Variants in SAFB observed in about 807,000 individuals in gnomAD.
SAFB encodes the protein scaffold attachment factor B.
SAFB carries 15 observed loss-of-function variants against 101.6 expected under a neutral mutation model. The observed-to-expected ratio is 0.15, with a 90% CI of 0.10 to 0.23. SAFB has a LOEUF of 0.23. SAFB is among the 10% of genes least tolerant of loss of function. SAFB has a pLI of 1.00. For synonymous variants in SAFB, 449 were observed against 407.5 expected, an observed-to-expected ratio of 1.10 and a Z score of -1.23; for missense variants, 930 against 1,104.1, an observed-to-expected ratio of 0.84 and a Z score of 2.23.
intron 15 of SAFB, among the ~76,000 whole-genome samples, chr19:5,662,366 C>T (rs1185759321): frequency 1.3e-5 from 2 of 151,848 alleles, no homozygotes; most frequent in East Asian, 2.0e-4. Flanking sequence ...TGGTGACAGG[C>T]GCCTGTAATC....
intron 2 of SAFB, among the ~76,000 whole-genome samples, chr19:5,641,209 G>A (rs979964835): frequency 1.3e-5 from 2 of 152,096 alleles, no homozygotes; most frequent in African/African-American, 2.4e-5. Context: ...GTGCATACTC[G>A]GGCATGCGCA....
At position 5,623,100 on chromosome 19, in the gene SAFB, G is replaced by T; in HGVS notation, c.-106G>T. ...GCCTGCGCAGAAGCGAGGCGCGCTG[G>T]GGCGACTGGAGCGGTTCCCTCGCAG... On this transcript the variant is annotated 5_prime_UTR_variant, in exon 1 of 21. Transcript: ENST00000588852. 1 of 1,184,000 alleles carries T rather than the reference G, an allele frequency of 8.4e-7. No individual in the cohort carries two copies. The highest frequency in any genetic ancestry group is 1.6e-5 in the African/African-American group (1 of 64,410). The allele number at this position is 1,184,000 out of a possible 1,614,324, so 73.3% of individuals were successfully genotyped here.
chr19:5,623,110 A>G lies in SAFB; in HGVS notation c.-96A>G. ...AAGCGAGGCGCGCTGGGGCGACTGG[A>G]GCGGTTCCCTCGCAGGCGGCGCCAT... On this transcript the variant is annotated 5_prime_UTR_variant, in exon 1 of 21. Transcript: ENST00000588852. 1 of 1,264,800 alleles carries G rather than the reference A, an allele frequency of 7.9e-7. No homozygotes were observed. The highest frequency in any genetic ancestry group is 1.1e-6 in the Non-Finnish European group (1 of 903,682). The allele number at this position is 1,264,800 out of a possible 1,614,324, so 78.3% of individuals were successfully genotyped here.
intron 1 of SAFB, among the ~76,000 whole-genome samples, 159 bp from the exon 2 acceptor site, chr19:5,626,246 C>T (rs569701617): frequency 1.8e-4 from 27 of 152,082 alleles, no homozygotes; most frequent in Admixed American, 8.5e-4. Context: ...CAGTGTAGAG[C>T]GAGATAACAG....
chr19:5,659,901 A>G (rs1301660921), intron 14 of SAFB, among the ~76,000 whole-genome samples: 1 of 152,160 alleles, frequency 6.6e-6, no homozygotes, highest in Non-Finnish European at 1.5e-5. Context: ...GGGCTTGGGT[A>G]TCCCGTCAGG....
intron 2 of SAFB, among the ~76,000 whole-genome samples, chr19:5,639,112 A>T (rs1217078649): frequency 6.6e-6 from 1 of 152,226 alleles, no homozygotes; most frequent in Admixed American, 6.5e-5. Context: ...GAATGGAAAC[A>T]AGTAATCCCA....
intron 13 of SAFB, 32 bp from the exon 14 acceptor site, chr19:5,657,209 C>G: frequency 6.4e-7 from 1 of 1,568,936 alleles, no homozygotes; most frequent in Non-Finnish European, 8.8e-7. Context: ...CTGGCCTCTG[C>G]TTTAACTTTT....
chr19:5,639,114 G>T (rs1237381035), intron 2 of SAFB, among the ~76,000 whole-genome samples: 1 of 152,188 alleles, frequency 6.6e-6, no homozygotes, highest in Admixed American at 6.5e-5. Flanking sequence ...ATGGAAACAA[G>T]TAATCCCAGA....
At chr19:5,654,742 T>C (rs994421839) in intron 13 of SAFB, among the ~76,000 whole-genome samples, 1 of 152,004 alleles carries the variant, frequency 6.6e-6, no homozygotes, top group African/African-American at 2.4e-5. Context: ...CACCATTATC[T>C]TTTTAGTAGA....
chr19:5,663,408 G>C (rs544538620), intron 15 of SAFB, among the ~76,000 whole-genome samples: 1 of 152,348 alleles, frequency 6.6e-6, no homozygotes, highest in Non-Finnish European at 1.5e-5. Context: ...CAGTGATTGT[G>C]TCAGGCTTTA....
chr19:5,664,231 T>G, intron 16 of SAFB, 72 bp downstream of exon 16: 1 of 1,548,226 alleles, frequency 6.5e-7, no homozygotes, highest in South Asian at 1.1e-5. Context: ...CAAGGACTCC[T>G]GGGCTCTCTG....
chr19:5,644,813 A>C (rs1041801414), intron 4 of SAFB, among the ~76,000 whole-genome samples: 4 of 152,198 alleles, frequency 2.6e-5, no homozygotes, highest in African/African-American at 9.7e-5. Flanking sequence ...TTCCCCTGCA[A>C]GTAGGGCATA....
intron 9 of SAFB, among the ~76,000 whole-genome samples, chr19:5,652,899 C>T (rs973092620): frequency 6.6e-5 from 10 of 152,186 alleles, no homozygotes; most frequent in African/African-American, 1.7e-4. Flanking sequence ...CCCTACATTG[C>T]CCTCCTGGCC....
intron 9 of SAFB, among the ~76,000 whole-genome samples, chr19:5,651,888 C>T (rs933300784): frequency 2.0e-5 from 3 of 152,164 alleles, no homozygotes; most frequent in Non-Finnish European, 2.9e-5. Context: ...ATACTGACTT[C>T]GAAGAACTTA....
At chr19:5,645,274 A>G in intron 4 of SAFB, 63 bp from the exon 5 acceptor site, 1 of 755,400 alleles carries the variant, frequency 1.3e-6, no homozygotes, top group Non-Finnish European at 2.4e-6. Flanking sequence ...CATTGTACAG[A>G]TGTACCATTA....
At chr19:5,659,402 G>A (rs917946318) in intron 14 of SAFB, among the ~76,000 whole-genome samples, 3 of 150,450 alleles carry the variant, frequency 2.0e-5, no homozygotes, top group African/African-American at 7.3e-5. Flanking sequence ...TTTTTTCCGA[G>A]ACGGAATCTT....
Position 5,668,237 on chromosome 19 carries a change from A to G in SAFB, c.2700A>G (p.Gly900=). ...ACGGTGGCATGCAGGGCGGGTTTGG[A>G]GGCCAGAGCCGGGGGAGCAGGCCCA... The part of the protein sequence containing the change: ...IPHGGMQGGF[G]GQSRGSRPSD... Residue 900 remains glycine, a synonymous_variant, in exon 21 of 21, where the codon GGA becomes GGG. Transcript: ENST00000588852. The G allele has an allele frequency of 6.2e-7, 1 of 1,610,902 alleles. No homozygotes were observed. The highest frequency in any genetic ancestry group is 1.7e-4 in the Middle Eastern group (1 of 5,934).
chr19:5,630,106 A>G (rs971320361), intron 2 of SAFB, among the ~76,000 whole-genome samples: 14 of 152,216 alleles, frequency 9.2e-5, no homozygotes, highest in Admixed American at 5.9e-4. Context: ...GACGGTGCCT[A>G]TTTCACTAAA....
chr19:5,629,529 CTAA>C (rs2053443528), intron 2 of SAFB, among the ~76,000 whole-genome samples: 1 of 152,062 alleles, frequency 6.6e-6, no homozygotes, highest in Non-Finnish European at 1.5e-5. Flanking sequence ...TTTTAACAGG[CTAA>C]TAATCTTCTG....
Sources: gnomAD v4.1 joint callset for allele counts (sites outside exome capture counted in the v4.1 genomes callset) on GRCh38, gnomAD v4.1.1 for gene constraint, MANE v1.5 for transcripts, NCBI Gene and HGNC (gene_info 2026-07-23, HGNC 2026-07-21) for gene names.